The following ACTR3B variants were observed in gnomAD, a reference collection of about 807,000 sequenced individuals.
ACTR3B encodes actin related protein 3B.
A neutral mutation model predicts 59.0 loss-of-function variants in ACTR3B; 8 were observed. The ratio of observed to expected loss-of-function variants is 0.14; its 90% CI spans 0.08 to 0.24. ACTR3B has a LOEUF of 0.24. Among genes scored for constraint, ACTR3B ranks in the 10% least tolerant of loss-of-function variants. ACTR3B has a pLI of 1.00. For synonymous variants in ACTR3B, 148 were observed against 197.9 expected (o/e 0.75, Z 2.12); for missense variants, 245 against 552.3 (o/e 0.44, Z 5.58).
rs1390377342 is a variant in ACTR3B at position 152,829,057 on chromosome 7, T to TATAC, written c.951+3936_951+3937insTACA. 3.1e-4 allele frequency among the ~76,000 whole-genome samples: 45 copies of TATAC among 144,774 alleles called. No homozygotes were observed. The Middle Eastern group carries it at 0.014, about 46-fold the overall frequency. 95.0% of individuals were successfully genotyped at this position (144,774 alleles called of 152,430 possible). On this transcript the variant is annotated intron_variant, in intron 9 of 11. Coordinates refer to ENST00000256001, the MANE Select transcript of ACTR3B (RefSeq NM_020445.6). ...TTGTGTGTGTGTGTATATATATATA[T>TATAC]ACACACACACACACACATCAAGAGC...
chr7:152,800,186 T>TATA (rs1233501887), intron 2 of ACTR3B, among the ~76,000 whole-genome samples: 1 of 152,278 alleles, frequency 6.6e-6, no homozygotes, highest in Admixed American at 6.5e-5. Context: ...CCTTCTATAT[T>TATA]GTATTTTAAA....
chr7:152,847,800 G>T (rs559338062), intron 9 of ACTR3B, among the ~76,000 whole-genome samples: 1 of 152,276 alleles, frequency 6.6e-6, no homozygotes, highest in South Asian at 2.1e-4. Flanking sequence ...TTCCGAAGAG[G>T]CCCAGCTTTT....
rs1414508391 is a variant in ACTR3B, at chr7:152,824,778, G to A, written c.859-252G>A. Among the ~76,000 whole-genome samples, 20 of 151,982 alleles carry A rather than the reference G, an allele frequency of 1.3e-4. No individual in the cohort carries two copies. Among genetic ancestry groups the A allele is most frequent in the Non-Finnish European group, 2.9e-4 (20 of 68,032 alleles). ...ACTGTGTATTCATGGGGTGGGGGTGGTCTGTCTGTGATGTTGTTGGTATTT... is the reference window on the plus strand; with the variant it reads ...ACTGTGTATTCATGGGGTGGGGGTGATCTGTCTGTGATGTTGTTGGTATTT... On this transcript the variant is annotated intron_variant, in intron 8 of 11. Transcript: ENST00000256001. This position sits in a 1 kb window ranked among gnomAD's most constrained non-coding sequence, Gnocchi z 4.2.
chr7:152,798,255 G>T (rs1310369691), intron 2 of ACTR3B, among the ~76,000 whole-genome samples: 4 of 152,092 alleles, frequency 2.6e-5, no homozygotes, highest in Non-Finnish European at 5.9e-5. Flanking sequence ...GATTGATATT[G>T]TGGGTTTGAT....
chr7:152,847,025 GTAGT>G, intron 9 of ACTR3B, among the ~76,000 whole-genome samples: 1 of 145,328 alleles, frequency 6.9e-6, no homozygotes, highest in Non-Finnish European at 1.5e-5. Context: ...TGCCCGGGCT[GTAGT>G]CTGCAGTGAG....
At chr7:152,852,033 G>A (rs1798845740) in intron 9 of ACTR3B, 93 bp from the exon 10 acceptor site, 3 of 1,547,844 alleles carry the variant, frequency 1.9e-6, no homozygotes, top group African/African-American at 1.4e-5. Flanking sequence ...GTGCCCACAA[G>A]CGATTGGACC....
chr7:152,854,596 C>T lies in ACTR3B; in HGVS notation c.*43C>T. Reference sequence around the variant, plus strand: ...CGTTCGATGGTGTCACGTTGGGGAACAAGTGTCCTTCAGAACCCAGAGAAG... The same window carrying T: ...CGTTCGATGGTGTCACGTTGGGGAATAAGTGTCCTTCAGAACCCAGAGAAG... On this transcript the variant is annotated 3_prime_UTR_variant, in exon 12 of 12. Coordinates refer to ENST00000256001, the MANE Select transcript of ACTR3B (RefSeq NM_020445.6). This position sits in a 1 kb window ranked among gnomAD's most constrained non-coding sequence, Gnocchi z 4.9. The T allele has an allele frequency of 6.3e-7, 1 of 1,590,366 alleles. No individual in the cohort carries two copies. The highest frequency in any genetic ancestry group is 8.6e-7 in the Non-Finnish European group (1 of 1,159,666).
chr7:152,781,207 T>A (rs1322922055), intron 1 of ACTR3B, among the ~76,000 whole-genome samples: 2 of 150,264 alleles, frequency 1.3e-5, no homozygotes, highest in Non-Finnish European at 3.0e-5. Flanking sequence ...TTTTTTTTTT[T>A]TTTTTTTTTC....
chr7:152,772,514 G>A lies in ACTR3B; in HGVS notation c.45-10673G>A, dbSNP rs549554499. 3.3e-5 allele frequency among the ~76,000 whole-genome samples: 5 copies of A among 152,076 alleles called. No individual in the cohort carries two copies. In the South Asian group the frequency reaches 1.0e-3, roughly 32 times the overall value. ...CACTCCAGCCTGGGTGACAAAGCGA[G>A]ACTCTGGCTCAAAAGGAAAAAACAA... On this transcript the variant is annotated intron_variant, in intron 1 of 11. Coordinates refer to ENST00000256001, the MANE Select transcript of ACTR3B (RefSeq NM_020445.6).
At chr7:152,841,972 C>T (rs576908592) in intron 9 of ACTR3B, among the ~76,000 whole-genome samples, 1 of 152,288 alleles carries the variant, frequency 6.6e-6, no homozygotes, top group South Asian at 2.1e-4. Flanking sequence ...ACATACTTAA[C>T]GTGATAATCA....
At chr7:152,830,588 G>A (rs1420495630) in intron 9 of ACTR3B, among the ~76,000 whole-genome samples, 2 of 152,006 alleles carry the variant, frequency 1.3e-5, no homozygotes, top group African/African-American at 4.8e-5. Flanking sequence ...TTGCTCTGTC[G>A]CCCACGCTGA....
intron 9 of ACTR3B, among the ~76,000 whole-genome samples, chr7:152,842,473 A>G (rs1797941920): frequency 6.6e-6 from 1 of 152,160 alleles, no homozygotes; most frequent in African/African-American, 2.4e-5. Flanking sequence ...TTTTCCATTT[A>G]ATCTTTTCAG....
intron 4 of ACTR3B, among the ~76,000 whole-genome samples, chr7:152,803,344 G>A (rs1385060386): frequency 6.6e-6 from 1 of 152,298 alleles, no homozygotes; most frequent in East Asian, 1.9e-4. Flanking sequence ...CACCATACCC[G>A]GCCCACAGTT....
chr7:152,839,321 G>C (rs1797704688), intron 9 of ACTR3B, among the ~76,000 whole-genome samples: 1 of 141,594 alleles, frequency 7.1e-6, no homozygotes, highest in Non-Finnish European at 1.5e-5. Context: ...GTGAGCATGA[G>C]GTCTGCAGGT....
chr7:152,818,630 G>A (rs964117765), intron 6 of ACTR3B, among the ~76,000 whole-genome samples: 1 of 152,198 alleles, frequency 6.6e-6, no homozygotes, highest in Non-Finnish European at 1.5e-5. Context: ...TGTATTTTTA[G>A]TAGAGATGGG....
rs530064552 is a variant in ACTR3B at position 152,783,881 on chromosome 7, G to A, written c.100+639G>A. Among the ~76,000 whole-genome samples the A allele has an allele frequency of 6.6e-5, 10 of 152,064 alleles. No homozygotes were observed. The South Asian group carries it at 1.9e-3, about 28-fold the overall frequency. ...GAGGCGGGTGGATCAGCTGAGGTCA[G>A]GAGTTCGAGACCAGCCTGACCAACA... On this transcript the variant is annotated intron_variant, in intron 2 of 11. Transcript: ENST00000256001.
intron 4 of ACTR3B, 139 bp downstream of exon 4, chr7:152,801,870 A>G (rs1289773761): frequency 1.8e-6 from 1 of 550,732 alleles, no homozygotes; most frequent in Non-Finnish European, 2.8e-6. Flanking sequence ...TTTTGAAAAT[A>G]AAGCTCAATA....
intron 9 of ACTR3B, among the ~76,000 whole-genome samples, chr7:152,825,729 C>G (rs138903170): frequency 2.9e-4 from 44 of 152,228 alleles, no homozygotes; most frequent in Middle Eastern, 3.4e-3. Flanking sequence ...CGGTGCCCTC[C>G]CCCATGCTTT....
At chr7:152,777,071 AG>A (rs1362044574) in intron 1 of ACTR3B, among the ~76,000 whole-genome samples, 4 of 152,108 alleles carry the variant, frequency 2.6e-5, no homozygotes, top group African/African-American at 9.7e-5. Flanking sequence ...TATGTGGGGT[AG>A]GTTCCTAGAA....
Sources: gnomAD v4.1 joint callset for allele counts (sites outside exome capture counted in the v4.1 genomes callset) on GRCh38, gnomAD v4.1.1 for gene constraint, Gnocchi (gnomAD v3.1) non-coding constraint, MANE v1.5 for transcripts, NCBI Gene and HGNC (gene_info 2026-07-23, HGNC 2026-07-21) for gene names.